The following TSR1 variants were observed in gnomAD, a reference collection of about 807,000 sequenced individuals.
The protein encoded by TSR1 is pre-rRNA-processing protein TSR1 homolog.
A neutral mutation model predicts 90.9 loss-of-function variants in TSR1; 81 were observed. That is an observed-to-expected ratio of 0.89 (90% CI 0.74 to 1.07). The LOEUF (loss-of-function observed/expected upper bound fraction) is 1.07, where lower values mean the gene tolerates loss of function less well. Ranked by LOEUF, TSR1 falls within the 50% of genes least tolerant of loss-of-function variation. The pLI, the probability that TSR1 is intolerant of heterozygous loss-of-function variation, is 0.00. For missense variants in TSR1, 989 were observed against 987.3 expected (o/e 1.00, Z -0.02); for synonymous variants, 362 against 348.8 (o/e 1.04, Z -0.42).
Position 2,334,634 on chromosome 17 carries a change from T to C in TSR1, c.819A>G (p.Lys273=), listed in dbSNP as rs556006771. 9.9e-6 allele frequency: 16 copies of C among 1,613,900 alleles called. No homozygotes were observed. In the South Asian group the frequency reaches 1.5e-4, roughly 16 times the overall value. ...SEENNLVGTL[K]ISGYVRGQTL... Reference sequence around the variant, plus strand: ...TCTGCCCTCGAACATAGCCTGAAATTTTCAAGGTGCCCACCAAGTTATTCT... The same window carrying C: ...TCTGCCCTCGAACATAGCCTGAAATCTTCAAGGTGCCCACCAAGTTATTCT... Residue 273 remains lysine, a synonymous_variant, in exon 5 of 15, where the codon AAA becomes AAG. Coordinates refer to ENST00000301364, the MANE Select transcript of TSR1 (RefSeq NM_018128.5).
Position 2,336,038 on chromosome 17 carries a change from G to A in TSR1, c.200C>T (p.Ala67Val). ...ASQLRKQKKE[A>V]VLAEKRQLGG... The stretch of plus-strand genomic sequence containing the variant: ...TCTCCCAAATCCCGCTCCTCTCACC[G>A]CCTCCTTCTTCTGCTTTCGGAGCTG... The change falls in exon 2 of 15, where the codon GCG becomes GTG. Residue 67 changes from alanine to valine, a missense_variant and splice_region_variant. Transcript: ENST00000301364. 6.2e-7 allele frequency: 1 copy of A among 1,614,004 alleles called. No homozygotes were observed.
At chr17:2,335,115 A>C (rs2064043068) in intron 4 of TSR1, 145 bp downstream of exon 4, 4 of 1,084,642 alleles carry the variant, frequency 3.7e-6, no homozygotes, top group Non-Finnish European at 3.9e-6. Context: ...CCTGAGTGAT[A>C]ATCTGTAAAC....
chr17:2,327,852 A>T lies in TSR1; in HGVS notation c.1903+1491T>A, dbSNP rs181372714. On this transcript the variant is annotated intron_variant, in intron 11 of 14. Transcript: ENST00000301364. ...TATAAAATAAAAATGAATTTTCTCT[A>T]ATATAAGGTAATTTTACTTTTACAT... Among the ~76,000 whole-genome samples the T allele has an allele frequency of 4.3e-3, 657 of 152,342 alleles. 6 individuals are homozygous for T. Among genetic ancestry groups the T allele is most frequent in the Middle Eastern group, 0.01 (3 of 294 alleles).
rs866237836 is a variant in TSR1, at chr17:2,334,904, C to T, written c.557-8G>A. On this transcript the variant is annotated splice_polypyrimidine_tract_variant and splice_region_variant and intron_variant, in intron 4 of 14. Transcript: ENST00000301364. ...TCCCCTGGACAGCTAGTGCTGTAAG[C>T]GAAAGAGAAAACGCTTCATGACCTA... 29 of 1,601,828 alleles carry T rather than the reference C, an allele frequency of 1.8e-5. No homozygotes were observed. Among genetic ancestry groups the T allele is most frequent in the African/African-American group, 5.4e-5 (4 of 74,536 alleles).
chr17:2,336,269 C>A (rs1296540248), intron 1 of TSR1, 62 bp downstream of exon 1: 3 of 1,607,968 alleles, frequency 1.9e-6, no homozygotes, highest in African/African-American at 1.3e-5. Flanking sequence ...TCAGTCTGGG[C>A]ATGAGGAAAA....
chr17:2,323,289 C>G lies in TSR1; in HGVS notation c.*907G>C. 6.2e-7 allele frequency: 1 copy of G among 1,614,084 alleles called. No individual in the cohort carries two copies. The highest frequency in any genetic ancestry group is 8.5e-7 in the Non-Finnish European group (1 of 1,179,982). Reference sequence around the variant, plus strand: ...ATCCAGCATTGGCTTGAACACCTGGCCTATTATCAGGGACCTTGTGGATGA... The same window carrying G: ...ATCCAGCATTGGCTTGAACACCTGGGCTATTATCAGGGACCTTGTGGATGA... On this transcript the variant is annotated 3_prime_UTR_variant, in exon 15 of 15. Transcript: ENST00000301364.
chr17:2,329,393 C>T lies in TSR1; in HGVS notation c.1853G>A (p.Cys618Tyr). ...VKAKEELIFH[C>Y]GFRRFRASPL... ...TGAGGCTCGGAAGCGCCTGAATCCACAGTGAAATATGAGCTCTTCCTTGGC... is the reference window on the plus strand; with the variant it reads ...TGAGGCTCGGAAGCGCCTGAATCCATAGTGAAATATGAGCTCTTCCTTGGC... Residue 618 changes from cysteine (C) to tyrosine (Y), a missense_variant, in exon 11 of 15, where the codon TGT becomes TAT. Cys to Tyr is a radical substitution (Grantham distance 194). Coordinates refer to ENST00000301364, the MANE Select transcript of TSR1 (RefSeq NM_018128.5). The T allele has an allele frequency of 6.2e-7, 1 of 1,614,170 alleles. No homozygotes were observed.
intron 4 of TSR1, 148 bp from the exon 5 acceptor site, chr17:2,335,044 T>G: frequency 9.2e-7 from 1 of 1,092,334 alleles, no homozygotes; most frequent in Non-Finnish European, 1.3e-6. Context: ...AATTTCACAG[T>G]GAAATCAAAC....
Position 2,335,689 on chromosome 17 carries a change from A to G in TSR1, c.243T>C (p.Pro81=). Residue 81 remains proline, a synonymous_variant, in exon 3 of 15, where the codon CCT becomes CCC. Transcript: ENST00000301364. ...GGGGCACCACCAGTACCTGATGAGGAGGGCCATCCTTGCCACCCAGCTGTC... is the reference window on the plus strand; with the variant it reads ...GGGGCACCACCAGTACCTGATGAGGGGGGCCATCCTTGCCACCCAGCTGTC... The part of the protein sequence containing the change: ...EKRQLGGKDG[P]PHQVLVVPLH... The G allele has an allele frequency of 1.2e-6, 2 of 1,613,882 alleles. No individual in the cohort carries two copies. Among genetic ancestry groups the G allele is most frequent in the Non-Finnish European group, 1.7e-6 (2 of 1,180,010 alleles).
In TSR1 at chr17:2,324,245, C is replaced by A; in HGVS notation, c.2366G>T (p.Trp789Leu). The change falls in exon 15 of 15, where the codon TGG (tryptophan) becomes TTG (leucine). Residue 789 changes from tryptophan (W) to leucine (L), a missense_variant. By Grantham distance (61) the Trp-to-Leu change is moderately conservative. Coordinates refer to ENST00000301364, the MANE Select transcript of TSR1 (RefSeq NM_018128.5). ...TGTTGAAGAAATCTCACTTTTCAGC[C>A]AGGGTACTGGTTCTGGTACATATGG... ...YDPYVPEPVP[W>L]LKSEISSTVP... 1.3e-6 allele frequency: 2 copies of A among 1,532,460 alleles called. No homozygotes were observed. The highest frequency in any genetic ancestry group is 1.7e-6 in the Non-Finnish European group (2 of 1,146,216). The allele number at this position is 1,532,460 out of a possible 1,614,324, so 94.9% of individuals were successfully genotyped here.
chr17:2,332,002 T>C (rs922140791), intron 8 of TSR1, among the ~76,000 whole-genome samples, 167 bp downstream of exon 8: 1 of 152,240 alleles, frequency 6.6e-6, no homozygotes, highest in Non-Finnish European at 1.5e-5. Context: ...TAATTACATA[T>C]GACCATTTCC....
chr17:2,329,016 T>G, intron 11 of TSR1: 1 of 409,384 alleles, frequency 2.4e-6, no homozygotes, highest in East Asian at 4.8e-5. Context: ...GCCACAAGTG[T>G]TGGGATTACA....
rs1191839554 is a variant in TSR1 at position 2,332,184 on chromosome 17, A to C, written c.1481T>G (p.Val494Gly). ...FPDEVDTPRD[V>G]AARIRFQKYR... ...GTTGACTAACCGAATTCGAGCAGCC[A>C]CATCACGGGGCGTGTCCACTTCATC... is the stretch of plus-strand genomic sequence containing the variant. Residue 494 changes from valine to glycine, a missense_variant, in exon 8 of 15, where the codon GTG becomes GGG. Val to Gly is a moderately radical substitution (Grantham distance 109). Transcript: ENST00000301364. 1 of 1,611,414 alleles carries C rather than the reference A, an allele frequency of 6.2e-7. No homozygotes were observed. The highest frequency in any genetic ancestry group is 2.2e-5 in the East Asian group (1 of 44,888).
intron 2 of TSR1, 31 bp from the exon 3 acceptor site, chr17:2,335,761 C>CA: frequency 6.3e-7 from 1 of 1,598,416 alleles, no homozygotes; most frequent in East Asian, 2.2e-5. Flanking sequence ...GAGAACATCT[C>CA]AGTGTCTCAG....
Position 2,329,357 on chromosome 17 carries a change from G to A in TSR1, c.1889C>T (p.Ser630Phe), listed in dbSNP as rs142295117. The change falls in exon 11 of 15, where the codon TCT becomes TTT. Residue 630 changes from serine (S) to phenylalanine (F), a missense_variant. Physicochemically the swap from Ser to Phe is radical, Grantham distance 155. Transcript: ENST00000301364. ...CCATTGCTAACCTGCAGTGTGCTGA[G>A]AGAATAAAGGTGAGGCTCGGAAGCG... Reference protein sequence around the residue: ...FRRFRASPLFSQHTAADKHKL... With the variant: ...FRRFRASPLFFQHTAADKHKL... 1.2e-6 allele frequency: 2 copies of A among 1,614,192 alleles called. No individual in the cohort carries two copies.
At chr17:2,333,453 A>C in intron 6 of TSR1, 104 bp downstream of exon 6, 3 of 1,377,762 alleles carry the variant, frequency 2.2e-6, no homozygotes, top group Non-Finnish European at 2.1e-6. Flanking sequence ...ACTTTCAACT[A>C]TACCCCCACC....
At position 2,334,540 on chromosome 17, in the gene TSR1, G is replaced by T; in HGVS notation, c.913C>A (p.Pro305Thr). 1 of 1,614,052 alleles carries T rather than the reference G, an allele frequency of 6.2e-7. No individual in the cohort carries two copies. The highest frequency in any genetic ancestry group is 8.5e-7 in the Non-Finnish European group (1 of 1,180,008). The stretch of plus-strand genomic sequence containing the variant: ...GGATTTAAAGGGAAAGGGTCTCCGG[G>T]GGCATCTATCTGTTTCATCTGGAAA... ...GDFQMKQIDA[P>T]GDPFPLNPRG... The change falls in exon 5 of 15, where the codon CCC becomes ACC. Residue 305 changes from proline (P) to threonine (T), a missense_variant. Pro to Thr is a conservative substitution (Grantham distance 38, BLOSUM62 -1). Coordinates refer to ENST00000301364, the MANE Select transcript of TSR1 (RefSeq NM_018128.5).
Position 2,334,515 on chromosome 17 carries a change from G to A in TSR1, c.938C>T (p.Pro313Leu). The A allele has an allele frequency of 1.2e-6, 2 of 1,614,056 alleles. No individual in the cohort carries two copies. Among genetic ancestry groups the A allele is most frequent in the Non-Finnish European group, 1.7e-6 (2 of 1,180,004 alleles). The change falls in exon 5 of 15, where the codon CCT (proline) becomes CTT (leucine). Residue 313 changes from proline (P) to leucine (L), a missense_variant. Transcript: ENST00000301364. The part of the protein sequence containing the change: ...DAPGDPFPLN[P>L]RGIKPQKDPD... Reference sequence around the variant, plus strand: ...GTCCTTTTGGGGTTTAATTCCTCTAGGATTTAAAGGGAAAGGGTCTCCGGG... The same window carrying A: ...GTCCTTTTGGGGTTTAATTCCTCTAAGATTTAAAGGGAAAGGGTCTCCGGG...
intron 10 of TSR1, among the ~76,000 whole-genome samples, chr17:2,329,820 T>G (rs2075594762): frequency 6.6e-6 from 1 of 152,152 alleles, no homozygotes; most frequent in Non-Finnish European, 1.5e-5. Flanking sequence ...AAGCCCCTTC[T>G]TCTTGAGCCC....
Sources: gnomAD v4.1 joint callset for allele counts (sites outside exome capture counted in the v4.1 genomes callset) on GRCh38, gnomAD v4.1.1 for gene constraint, MANE v1.5 for transcripts, NCBI Gene and HGNC (gene_info 2026-07-23, HGNC 2026-07-21) for gene names.